SPMIP7: variants seen among roughly 807,000 people sequenced by gnomAD.
SPMIP7 encodes the protein protein SPMIP7.
chr7:50,122,858 C>G, the SPMIP7 span, among the ~76,000 whole-genome samples: 1 of 152,160 alleles, frequency 6.6e-6, no homozygotes, highest in Admixed American at 6.5e-5. Context: ...AAATCAAAAC[C>G]ACAATGAGAT....
At chr7:50,107,580 T>C in the SPMIP7 span, among the ~76,000 whole-genome samples, 1 of 151,604 alleles carries the variant, frequency 6.6e-6, no homozygotes, top group Non-Finnish European at 1.5e-5. Context: ...TATACAAAAA[T>C]ATGAAAAATA....
the SPMIP7 span, among the ~76,000 whole-genome samples, chr7:50,127,634 T>C: frequency 2.7e-5 from 4 of 149,200 alleles, no homozygotes; most frequent in African/African-American, 7.3e-5. Context: ...TATATATATA[T>C]ACTGATTAAA....
At chr7:50,140,428 G>A in the SPMIP7 span, among the ~76,000 whole-genome samples, 2 of 151,944 alleles carry the variant, frequency 1.3e-5, no homozygotes, top group Non-Finnish European at 2.9e-5. Context: ...GAGAAAGAGT[G>A]GTATTTTTCT....
the SPMIP7 span, among the ~76,000 whole-genome samples, chr7:50,101,211 C>A: frequency 8.5e-5 from 13 of 152,334 alleles, no homozygotes; most frequent in South Asian, 2.7e-3. Context: ...AAGCATCATG[C>A]AAATGGAGAC....
the SPMIP7 span, among the ~76,000 whole-genome samples, chr7:50,125,036 T>C: frequency 6.7e-6 from 1 of 148,756 alleles, no homozygotes; most frequent in Non-Finnish European, 1.5e-5. Flanking sequence ...GAGGCGGAGA[T>C]TGCAGTGAGC....
the SPMIP7 span, among the ~76,000 whole-genome samples, chr7:50,150,534 G>T: frequency 6.6e-6 from 1 of 152,128 alleles, no homozygotes; most frequent in African/African-American, 2.4e-5. Context: ...TTGTGTTCTT[G>T]GACTTTGAAA....
chr7:50,110,269 A>G, the SPMIP7 span, among the ~76,000 whole-genome samples: 1 of 151,484 alleles, frequency 6.6e-6, no homozygotes, highest in African/African-American at 2.4e-5. Context: ...AAAATCAATG[A>G]TAATATCTTA....
the SPMIP7 span, among the ~76,000 whole-genome samples, chr7:50,097,339 A>G: frequency 2.6e-5 from 4 of 152,244 alleles, no homozygotes; most frequent in African/African-American, 9.6e-5. Flanking sequence ...CAAATGCTAT[A>G]GGAAGAATAC....
At chr7:50,138,670 A>G in the SPMIP7 span, among the ~76,000 whole-genome samples, 1 of 152,374 alleles carries the variant, frequency 6.6e-6, no homozygotes, top group East Asian at 1.9e-4. Context: ...GCTAAATTTT[A>G]ATGATCGAAA....
At chr7:50,104,641 TA>T in the SPMIP7 span, among the ~76,000 whole-genome samples, 1 of 151,898 alleles carries the variant, frequency 6.6e-6, no homozygotes, top group African/African-American at 2.4e-5. Flanking sequence ...GAGGAGTGAG[TA>T]GTAGATGCAG....
At chr7:50,158,555 G>A in the SPMIP7 span, among the ~76,000 whole-genome samples, 4 of 151,352 alleles carry the variant, frequency 2.6e-5, no homozygotes, top group Non-Finnish European at 5.9e-5. Context: ...CTTGGCCGCT[G>A]GGTGAGGCCC....
chr7:50,103,555 C>T, the SPMIP7 span, among the ~76,000 whole-genome samples: 1 of 152,154 alleles, frequency 6.6e-6, no homozygotes, highest in Non-Finnish European at 1.5e-5. Context: ...GAGGCTATAC[C>T]TAACATTAAG....
the SPMIP7 span, among the ~76,000 whole-genome samples, chr7:50,130,725 C>T: frequency 1.3e-5 from 2 of 151,834 alleles, no homozygotes; most frequent in African/African-American, 4.8e-5. Flanking sequence ...GGGAGGCCTC[C>T]CCAGGTGCTG....
the SPMIP7 span, among the ~76,000 whole-genome samples, chr7:50,130,720 GCCTCC>G: frequency 6.6e-6 from 1 of 152,052 alleles, no homozygotes. Flanking sequence ...GTGTGGGGAG[GCCTCC>G]CCAGGTGCTG....
At chr7:50,150,300 G>T in the SPMIP7 span, among the ~76,000 whole-genome samples, 1 of 152,176 alleles carries the variant, frequency 6.6e-6, no homozygotes, top group Admixed American at 6.5e-5. Flanking sequence ...CATGCCACAA[G>T]GATGTCCTGC....
chr7:50,099,643 C>T, the SPMIP7 span, among the ~76,000 whole-genome samples: 1 of 152,202 alleles, frequency 6.6e-6, no homozygotes. Context: ...TGTTCACTTG[C>T]TCTGTGCTGA....
chr7:50,158,995 T>C, the SPMIP7 span: 9 of 1,537,786 alleles, frequency 5.9e-6, no homozygotes, highest in Non-Finnish European at 7.0e-6. Context: ...TGTGTATTTG[T>C]ACATGTCTTT....
At chr7:50,131,484 G>A in the SPMIP7 span, among the ~76,000 whole-genome samples, 2 of 152,192 alleles carry the variant, frequency 1.3e-5, no homozygotes, top group African/African-American at 4.8e-5. Context: ...AAATCAACCG[G>A]GGTGTCATGG....
chr7:50,129,891 G>A, the SPMIP7 span: 10 of 749,178 alleles, frequency 1.3e-5, no homozygotes, highest in African/African-American at 1.1e-4. Flanking sequence ...GATCTTATGA[G>A]TGACACAGAG....
Sources: allele counts gnomAD v4.1 joint callset (sites outside exome capture counted in the v4.1 genomes callset), GRCh38; gene constraint gnomAD v4.1.1; transcripts MANE v1.5; gene names NCBI Gene and HGNC (gene_info 2026-07-23, HGNC 2026-07-21).